Variants in ADA observed in about 807,000 individuals in gnomAD.
The protein encoded by ADA is adenosine deaminase.
ADA carries 45 observed loss-of-function variants against 49.0 expected under a neutral mutation model. The observed-to-expected ratio is 0.92, with a 90% CI of 0.72 to 1.18. ADA has a LOEUF of 1.18. Ranked by LOEUF, ADA falls within the 50% of genes most tolerant of loss-of-function variation. The probability of loss-of-function intolerance (pLI) is 0.00; values close to 1 mark genes in which losing one functional copy is unlikely to be tolerated. For synonymous variants in ADA, 173 were observed against 184.2 expected, an observed-to-expected ratio of 0.94 and a Z score of 0.49; for missense variants, 445 against 472.5, an observed-to-expected ratio of 0.94 and a Z score of 0.54.
chr20:44,635,145 C>T (rs1008411783), intron 2 of ADA, among the ~76,000 whole-genome samples: 3 of 152,146 alleles, frequency 2.0e-5, no homozygotes, highest in African/African-American at 7.2e-5. Flanking sequence ...AAAAGCTGGT[C>T]CTAAGAGAGG....
chr20:44,648,293 AACTTG>A (rs1262898532), intron 1 of ADA, among the ~76,000 whole-genome samples: 1 of 152,078 alleles, frequency 6.6e-6, no homozygotes, highest in African/African-American at 2.4e-5. Context: ...CGACAGGGCA[AACTTG>A]ACTTGGGCAT....
rs1045911508 is a variant in ADA at position 44,636,537 on chromosome 20, C to T, written c.34-249G>A. On this transcript the variant is annotated intron_variant, in intron 1 of 11. Transcript: ENST00000372874. The stretch of plus-strand genomic sequence containing the variant: ...TTTCACAATTGAGGACACTGAGGTT[C>T]GGAGGTGTTAAATATCTCATCCAAG... 3.9e-5 allele frequency among the ~76,000 whole-genome samples: 6 copies of T among 152,064 alleles called. No homozygotes were observed. The South Asian group carries it at 6.2e-4, about 16-fold the overall frequency.
chr20:44,636,712 C>T (rs1049163054), intron 1 of ADA, among the ~76,000 whole-genome samples: 4 of 152,184 alleles, frequency 2.6e-5, no homozygotes, highest in Non-Finnish European at 4.4e-5. Flanking sequence ...CGCTCTCAGC[C>T]AACTAAATAA....
At chr20:44,643,449 CTACT>C (rs2065556863) in intron 1 of ADA, among the ~76,000 whole-genome samples, 1 of 152,210 alleles carries the variant, frequency 6.6e-6, no homozygotes, top group Non-Finnish European at 1.5e-5. Context: ...AAGCAGCTAC[CTACT>C]GTTTTCAGAC....
chr20:44,646,898 C>T (rs1444489995), intron 1 of ADA, among the ~76,000 whole-genome samples: 1 of 152,036 alleles, frequency 6.6e-6, no homozygotes, highest in Non-Finnish European at 1.5e-5. Context: ...AGCTCTGCTG[C>T]TTGCCAGCTG....
At position 44,647,773 on chromosome 20, in the gene ADA, C is replaced by T. The variant is rs189922849; in HGVS notation, c.33+3802G>A. 2.6e-5 allele frequency among the ~76,000 whole-genome samples: 4 copies of T among 152,046 alleles called. 1 individual carries two copies. Among genetic ancestry groups the T allele is most frequent in the African/African-American group, 7.3e-5 (3 of 41,376 alleles). ...CTCTACTAAAAATACAAAAATTAGC[C>T]GGGCGTGGTGGTGGACGCCTGTAAT... On this transcript the variant is annotated intron_variant, in intron 1 of 11. Coordinates refer to ENST00000372874, the MANE Select transcript of ADA (RefSeq NM_000022.4).
At chr20:44,651,044 A>AG (rs969584098) in intron 1 of ADA, among the ~76,000 whole-genome samples, 51 of 152,150 alleles carry the variant, frequency 3.4e-4, no homozygotes, top group African/African-American at 1.2e-3. Flanking sequence ...GCGCGGGGGA[A>AG]GGGGGGTGCT....
intron 1 of ADA, 96 bp from the exon 2 acceptor site, chr20:44,636,384 A>T: frequency 9.2e-7 from 1 of 1,092,580 alleles, no homozygotes; most frequent in Middle Eastern, 2.1e-4. Context: ...TGTTAACATT[A>T]ATCATGATAA....
chr20:44,633,830 G>A (rs2065455316), intron 2 of ADA, among the ~76,000 whole-genome samples: 1 of 152,266 alleles, frequency 6.6e-6, no homozygotes, highest in Non-Finnish European at 1.5e-5. Context: ...GACAGTTAAT[G>A]AGGCAGGCCT....
chr20:44,637,841 T>C (rs1257132403), intron 1 of ADA, among the ~76,000 whole-genome samples: 1 of 152,178 alleles, frequency 6.6e-6, no homozygotes, highest in Non-Finnish European at 1.5e-5. Context: ...CCAACTTAGT[T>C]GTTGAATTCC....
intron 1 of ADA, among the ~76,000 whole-genome samples, chr20:44,651,229 C>T (rs1368711984): frequency 6.6e-6 from 1 of 152,212 alleles, no homozygotes; most frequent in South Asian, 2.1e-4. Flanking sequence ...GCGTAGACAT[C>T]GGGCCTGATC....
chr20:44,648,563 A>C (rs1375318945), intron 1 of ADA, among the ~76,000 whole-genome samples: 2 of 152,020 alleles, frequency 1.3e-5, no homozygotes, highest in Non-Finnish European at 2.9e-5. Context: ...AAACTGCATG[A>C]TTTGCAAGTG....
intron 5 of ADA, 22 bp from the exon 6 acceptor site, chr20:44,624,351 A>G: frequency 6.2e-7 from 1 of 1,612,204 alleles, no homozygotes; most frequent in Non-Finnish European, 8.5e-7. Flanking sequence ...ATGCCCACCC[A>G]GGCTCTGTCA....
intron 2 of ADA, among the ~76,000 whole-genome samples, chr20:44,635,902 G>GA (rs5841559): frequency 0.098 from 14,168 of 144,590 alleles, 823 homozygotes; most frequent in East Asian, 0.25. Flanking sequence ...TATCTCAAAA[G>GA]AAAAAAAAAA....
At position 44,625,593 on chromosome 20, in the gene ADA, G is replaced by C. The variant is rs121908728; in HGVS notation, c.454C>G (p.Leu152Val). ...RDFGVKARSI[L>V]CCMRHQPNWS... ...CTGGGCTGGTGGCGCATGCAGCACA[G>C]GATGGACCGGGCCTTGACCCCGAAG... The change falls in exon 5 of 12, where the codon CTG becomes GTG. Residue 152 changes from leucine (L) to valine (V), a missense_variant. Physicochemically the swap from Leu to Val is conservative, Grantham distance 32. Coordinates refer to ENST00000372874, the MANE Select transcript of ADA (RefSeq NM_000022.4). The C allele has an allele frequency of 1.9e-6, 3 of 1,587,680 alleles. No individual in the cohort carries two copies. Among genetic ancestry groups the C allele is most frequent in the South Asian group, 1.1e-5 (1 of 87,200 alleles).
chr20:44,646,628 G>A (rs2065594616), intron 1 of ADA, among the ~76,000 whole-genome samples: 1 of 151,990 alleles, frequency 6.6e-6, no homozygotes, highest in Admixed American at 6.5e-5. Context: ...CAAGATCTTG[G>A]TTTTGTCACC....
At chr20:44,621,748 C>T (rs1370678522) in intron 9 of ADA, among the ~76,000 whole-genome samples, 1 of 152,148 alleles carries the variant, frequency 6.6e-6, no homozygotes, top group Middle Eastern at 3.2e-3. Context: ...CCTTAAATAC[C>T]ATTGTCCTTC....
chr20:44,627,041 C>A (rs1348526364), intron 3 of ADA, among the ~76,000 whole-genome samples: 1 of 152,144 alleles, frequency 6.6e-6, no homozygotes, highest in Non-Finnish European at 1.5e-5. Context: ...CACCTTCCTT[C>A]TCCCTCATTC....
chr20:44,620,735 A>C, intron 10 of ADA: 2 of 564,282 alleles, frequency 3.5e-6, no homozygotes, highest in South Asian at 2.0e-5. Flanking sequence ...GAGAGTGTGC[A>C]AGACTTCATA....
Sources: gnomAD v4.1 joint callset for allele counts (sites outside exome capture counted in the v4.1 genomes callset) on GRCh38, gnomAD v4.1.1 for gene constraint, MANE v1.5 for transcripts, NCBI Gene and HGNC (gene_info 2026-07-23, HGNC 2026-07-21) for gene names.